Variants in SCN11A observed in about 807,000 individuals in gnomAD.
The protein encoded by SCN11A is sodium channel protein type 11 subunit alpha.
SCN11A carries 122 observed loss-of-function variants against 162.2 expected under a neutral mutation model. That is an observed-to-expected ratio of 0.75 (90% CI 0.65 to 0.87). The LOEUF (loss-of-function observed/expected upper bound fraction) is 0.87, where lower values mean the gene tolerates loss of function less well. SCN11A is among the 40% of genes least tolerant of loss of function. The probability of loss-of-function intolerance (pLI) is 0.00; values close to 1 mark genes in which losing one functional copy is unlikely to be tolerated. For synonymous variants in SCN11A, 758 were observed against 751.5 expected (o/e 1.01, Z -0.14); for missense variants, 2,015 against 2,181.6 (o/e 0.92, Z 1.52).
At chr3:39,046,232 C>T (rs1036511940) in intron 1 of SCN11A, among the ~76,000 whole-genome samples, 1 of 144,008 alleles carries the variant, frequency 6.9e-6, no homozygotes, top group African/African-American at 2.5e-5. Context: ...TGCACTCCAG[C>T]CTGGGCAACA....
chr3:38,887,170 G>A (rs1169268276), intron 19 of SCN11A, among the ~76,000 whole-genome samples: 12 of 152,074 alleles, frequency 7.9e-5, no homozygotes, highest in Admixed American at 2.0e-4. Context: ...GATCCTGATA[G>A]GGACCAGGTA....
In SCN11A at chr3:38,850,472, TTTAC is replaced by T; in HGVS notation, c.4327+5_4327+8del. On this transcript the variant is annotated splice_donor_5th_base_variant and intron_variant, in intron 29 of 29. Transcript: ENST00000302328. ...TCTTAAAGTCCCTCTGACTGCTGATTTTACTTACTAACAATGGAAAGAAGCACGA... is the reference window on the plus strand; with the variant it reads ...TCTTAAAGTCCCTCTGACTGCTGATTTTACTAACAATGGAAAGAAGCACGA... 1.2e-6 allele frequency: 2 copies of T among 1,608,734 alleles called. No homozygotes were observed. The highest frequency in any genetic ancestry group is 1.7e-6 in the Non-Finnish European group (2 of 1,176,700).
rs1352615817 is a variant in SCN11A at position 38,896,862 on chromosome 3, C to T, written c.2386G>A (p.Val796Met). Residue 796 changes from valine (V) to methionine (M), a missense_variant, in exon 18 of 30, where the codon GTG (valine) becomes ATG (methionine). Val to Met is a conservative substitution (Grantham distance 21). Coordinates refer to ENST00000302328, the MANE Select transcript of SCN11A (RefSeq NM_001349253.2). ...LCVIVFILIT[V>M]IGKLVVLNLF... ...ACACATACCACAAGTTTTCCTATCA[C>T]CGTGATCAATATGAAGACAATAACA... 1 of 1,570,332 alleles carries T rather than the reference C, an allele frequency of 6.4e-7. No individual in the cohort carries two copies. The highest frequency in any genetic ancestry group is 2.3e-5 in the East Asian group (1 of 43,618).
At chr3:38,992,467 C>A (rs1177560078) in intron 2 of SCN11A, among the ~76,000 whole-genome samples, 1 of 152,228 alleles carries the variant, frequency 6.6e-6, no homozygotes, top group Non-Finnish European at 1.5e-5. Flanking sequence ...TCTGTCTTTA[C>A]AAACAAACTG....
intron 2 of SCN11A, among the ~76,000 whole-genome samples, chr3:39,004,691 T>C (rs1236571177): frequency 6.6e-6 from 1 of 152,230 alleles, no homozygotes; most frequent in Non-Finnish European, 1.5e-5. Flanking sequence ...TTGTGTCTTC[T>C]CTGATTTCTT....
chr3:39,047,614 T>G (rs1006354334), intron 1 of SCN11A, among the ~76,000 whole-genome samples: 2 of 152,090 alleles, frequency 1.3e-5, no homozygotes, highest in Non-Finnish European at 2.9e-5. Flanking sequence ...GAGAAAATAT[T>G]TGCAAAGTAT....
chr3:38,880,136 A>C lies in SCN11A; in HGVS notation c.3220-13T>G. 6.3e-7 allele frequency: 1 copy of C among 1,599,836 alleles called. No homozygotes were observed. The highest frequency in any genetic ancestry group is 8.5e-7 in the Non-Finnish European group (1 of 1,172,036). On this transcript the variant is annotated splice_polypyrimidine_tract_variant and intron_variant, in intron 22 of 29. Coordinates refer to ENST00000302328, the MANE Select transcript of SCN11A (RefSeq NM_001349253.2). ...CATCTTCAAATATCTGAAATGAAAA[A>C]GCATAGCCATAGGCCAGGTTGAATA... is the stretch of plus-strand genomic sequence containing the variant.
At chr3:38,977,608 C>G (rs1171377331) in intron 2 of SCN11A, among the ~76,000 whole-genome samples, 1 of 152,208 alleles carries the variant, frequency 6.6e-6, no homozygotes, top group Non-Finnish European at 1.5e-5. Context: ...CACCTCTTTG[C>G]TCTGCAAGTA....
chr3:39,012,668 T>C (rs2031180931), intron 2 of SCN11A, among the ~76,000 whole-genome samples: 1 of 152,056 alleles, frequency 6.6e-6, no homozygotes, highest in African/African-American at 2.4e-5. Context: ...AGAGACAGGG[T>C]TTCACCATGT....
intron 19 of SCN11A, among the ~76,000 whole-genome samples, chr3:38,889,263 T>G (rs938269232): frequency 6.6e-6 from 1 of 151,644 alleles, no homozygotes; most frequent in Non-Finnish European, 1.5e-5. Flanking sequence ...CCATCTCTAC[T>G]AAAAATACCA....
chr3:38,997,984 A>G (rs2030694971), intron 2 of SCN11A, among the ~76,000 whole-genome samples: 1 of 152,228 alleles, frequency 6.6e-6, no homozygotes, highest in African/African-American at 2.4e-5. Flanking sequence ...AAATAAATGT[A>G]TTAAATATCT....
At chr3:38,978,744 T>C (rs1408607866) in intron 2 of SCN11A, among the ~76,000 whole-genome samples, 1 of 152,202 alleles carries the variant, frequency 6.6e-6, no homozygotes, top group Non-Finnish European at 1.5e-5. Context: ...TAAGGAAGGA[T>C]AAAGAAAAGC....
chr3:39,042,852 G>T (rs2032082160), intron 1 of SCN11A, among the ~76,000 whole-genome samples: 1 of 150,686 alleles, frequency 6.6e-6, no homozygotes, highest in South Asian at 2.1e-4. Flanking sequence ...AACTACTCGG[G>T]AGGCTGAGGC....
At chr3:39,010,209 C>A (rs1404455386) in intron 2 of SCN11A, among the ~76,000 whole-genome samples, 2 of 151,740 alleles carry the variant, frequency 1.3e-5, no homozygotes, top group African/African-American at 2.4e-5. Context: ...TCCTAAAAAA[C>A]CCACAAATAA....
At chr3:38,899,535 A>G (rs1184244264) in intron 17 of SCN11A, among the ~76,000 whole-genome samples, 2 of 152,166 alleles carry the variant, frequency 1.3e-5, no homozygotes, top group Non-Finnish European at 2.9e-5. Context: ...AAAGATAGGA[A>G]TATTTTCCCT....
chr3:38,883,735 T>C (rs552345689), intron 21 of SCN11A, among the ~76,000 whole-genome samples: 2 of 152,320 alleles, frequency 1.3e-5, no homozygotes, highest in South Asian at 2.1e-4. Flanking sequence ...AGTAGAGCCA[T>C]GTTGCCCTGT....
In SCN11A at chr3:38,926,916, C is replaced by A; in HGVS notation, c.504G>T (p.Gly168=). Reference sequence around the variant, plus strand: ...TAATCAAAGCTTCAAAAATATAAATCCCAGTGAAGACACACCTAAAAAGCA... The same window carrying A: ...TAATCAAAGCTTCAAAAATATAAATACCAGTGAAGACACACCTAAAAAGCA... ...NTDIAECVFT[G]IYIFEALIKI... is the part of the protein sequence containing the mutation. The change falls in exon 8 of 30, where the codon GGG becomes GGT. Residue 168 remains glycine, a synonymous_variant. Coordinates refer to ENST00000302328, the MANE Select transcript of SCN11A (RefSeq NM_001349253.2). 6.2e-7 allele frequency: 1 copy of A among 1,612,692 alleles called. No homozygotes were observed. The highest frequency in any genetic ancestry group is 8.5e-7 in the Non-Finnish European group (1 of 1,178,998).
At position 38,885,360 on chromosome 3, in the gene SCN11A, C is replaced by T. The variant is rs1285600333; in HGVS notation, c.2992G>A (p.Asp998Asn). Reference sequence around the variant, plus strand: ...AACCATCCAAAGCCATCCTGAAGATCAATGGTGCTACATTCTGATAGTATA... The same window carrying T: ...AACCATCCAAAGCCATCCTGAAGATTAATGGTGCTACATTCTGATAGTATA... ...TSILSECSTI[D>N]LQDGFGWLPE... Residue 998 changes from aspartate (D) to asparagine (N), a missense_variant, in exon 21 of 30, where the codon GAT (aspartate) becomes AAT (asparagine). Physicochemically the swap from Asp to Asn is conservative, Grantham distance 23. Transcript: ENST00000302328. 1 of 1,613,308 alleles carries T rather than the reference C, an allele frequency of 6.2e-7. No homozygotes were observed. Among genetic ancestry groups the T allele is most frequent in the South Asian group, 1.1e-5 (1 of 91,068 alleles).
At chr3:38,907,369 C>CAT (rs1233045994) in intron 14 of SCN11A, among the ~76,000 whole-genome samples, 1 of 140,730 alleles carries the variant, frequency 7.1e-6, no homozygotes, top group Non-Finnish European at 1.5e-5. Flanking sequence ...CACACACACA[C>CAT]ACACACACAC....
Sources: allele counts gnomAD v4.1 joint callset (sites outside exome capture counted in the v4.1 genomes callset), GRCh38; gene constraint gnomAD v4.1.1; transcripts MANE v1.5; gene names NCBI Gene and HGNC (gene_info 2026-07-23, HGNC 2026-07-21).